Variants in RFX4 observed in about 807,000 individuals in gnomAD.
The protein encoded by RFX4 is regulatory factor X4.
Under a neutral mutation model 95.0 loss-of-function variants are expected in RFX4, and 10 were observed. That is an observed-to-expected ratio of 0.11 (90% CI 0.06 to 0.18). The LOEUF (loss-of-function observed/expected upper bound fraction) is 0.18. Ranked by LOEUF, RFX4 falls within the 10% of genes least tolerant of loss-of-function variation. The pLI, the probability that RFX4 is intolerant of heterozygous loss-of-function variation, is 1.00. For synonymous variants in RFX4, 321 were observed against 340.7 expected, an observed-to-expected ratio of 0.94 and a Z score of 0.64; for missense variants, 640 against 922.0, an observed-to-expected ratio of 0.69 and a Z score of 3.96.
intron 17 of RFX4, among the ~76,000 whole-genome samples, chr12:106,755,696 G>A (rs1475161305): frequency 6.6e-6 from 1 of 152,104 alleles, no homozygotes; most frequent in African/African-American, 2.4e-5. Context: ...TCCACTGCAG[G>A]GCTAATTAGT....
chr12:106,655,283 G>A (rs1176782135), intron 4 of RFX4, among the ~76,000 whole-genome samples: 1 of 152,230 alleles, frequency 6.6e-6, no homozygotes, highest in Non-Finnish European at 1.5e-5. Context: ...GATGCTCTGT[G>A]ATGACTTGGG....
chr12:106,694,190 G>A (rs918912569), intron 7 of RFX4, among the ~76,000 whole-genome samples: 3 of 152,178 alleles, frequency 2.0e-5, no homozygotes, highest in Admixed American at 6.5e-5. Flanking sequence ...TCACCACTAC[G>A]ATCATGTTTT....
At chr12:106,661,121 C>T (rs1328479090) in intron 4 of RFX4, among the ~76,000 whole-genome samples, 1 of 152,194 alleles carries the variant, frequency 6.6e-6, no homozygotes, top group Non-Finnish European at 1.5e-5. Flanking sequence ...GGATCTTTCA[C>T]CCTTACTCAC....
intron 8 of RFX4, among the ~76,000 whole-genome samples, chr12:106,697,118 A>G (rs1373883527): frequency 6.6e-6 from 1 of 152,078 alleles, no homozygotes; most frequent in East Asian, 1.9e-4. Flanking sequence ...TTCCCTTCCA[A>G]GCAACTTTCC....
At chr12:106,698,365 A>T (rs1056808369) in intron 8 of RFX4, among the ~76,000 whole-genome samples, 2 of 151,850 alleles carry the variant, frequency 1.3e-5, no homozygotes, top group Non-Finnish European at 2.9e-5. Context: ...TGCAGCCTCA[A>T]ACTCCTGGGT....
intron 7 of RFX4, chr12:106,693,047 C>G (rs1233738807): frequency 2.6e-6 from 1 of 391,586 alleles, no homozygotes; most frequent in Non-Finnish European, 5.1e-6. Context: ...TTGATTCTCT[C>G]CTTTCCCTCA....
chr12:106,595,491 C>T (rs2039605733), intron 1 of RFX4, among the ~76,000 whole-genome samples: 1 of 152,170 alleles, frequency 6.6e-6, no homozygotes, highest in Non-Finnish European at 1.5e-5. Context: ...GCTGAGGATG[C>T]CCACGGGCAC....
chr12:106,761,510 A>G lies in RFX4; in HGVS notation c.*41A>G. 7.8e-7 allele frequency: 1 copy of G among 1,276,014 alleles called. No individual in the cohort carries two copies. Among genetic ancestry groups the G allele is most frequent in the Non-Finnish European group, 1.0e-6 (1 of 995,830 alleles). 79.0% of individuals were successfully genotyped at this position (1,276,014 alleles called of 1,614,324 possible). A position where few individuals can be genotyped will look rare whatever the true frequency, so the allele number is the denominator to read the frequency against. On this transcript the variant is annotated 3_prime_UTR_variant, in exon 18 of 18. Coordinates refer to ENST00000392842, the MANE Select transcript of RFX4 (RefSeq NM_213594.3). ...TCCATATTTAATATTAATAATAATAATTAATAATAATAATAAACCCAACAC... is the reference window on the plus strand; with the variant it reads ...TCCATATTTAATATTAATAATAATAGTTAATAATAATAATAAACCCAACAC...
intron 13 of RFX4, among the ~76,000 whole-genome samples, chr12:106,729,763 T>G (rs967378093): frequency 4.6e-5 from 7 of 152,014 alleles, no homozygotes; most frequent in Admixed American, 6.6e-5. Flanking sequence ...TTAGGGAGGG[T>G]AAAGGAACTC....
intron 4 of RFX4, among the ~76,000 whole-genome samples, chr12:106,679,464 C>CAA (rs35165186): frequency 6.8e-5 from 10 of 146,156 alleles, no homozygotes; most frequent in African/African-American, 2.0e-4. Flanking sequence ...CAGAAAAAAA[C>CAA]AAAAAAAAAA....
intron 1 of RFX4, among the ~76,000 whole-genome samples, chr12:106,592,643 C>T (rs1169023252): frequency 7.0e-6 from 1 of 143,334 alleles, no homozygotes; most frequent in Non-Finnish European, 1.5e-5. Flanking sequence ...AACCACCCAA[C>T]CCTCTTATGT....
intron 4 of RFX4, among the ~76,000 whole-genome samples, chr12:106,656,150 C>G (rs1168650837): frequency 2.6e-5 from 4 of 152,182 alleles, no homozygotes; most frequent in Non-Finnish European, 5.9e-5. Context: ...AAGCCTGCCC[C>G]AAGACTTCAG....
intron 3 of RFX4, among the ~76,000 whole-genome samples, chr12:106,640,304 G>T (rs781202656): frequency 2.0e-5 from 3 of 152,190 alleles, no homozygotes; most frequent in Non-Finnish European, 4.4e-5. Context: ...GCTCATGCTT[G>T]CGAAGAAAGG....
intron 17 of RFX4, among the ~76,000 whole-genome samples, chr12:106,756,052 T>G (rs2043102518): frequency 6.6e-6 from 1 of 152,246 alleles, no homozygotes; most frequent in Admixed American, 6.5e-5. Flanking sequence ...ATATATACTT[T>G]CTTCCTGGGT....
intron 5 of RFX4, chr12:106,683,857 TTTTG>T (rs2137406948): frequency 1.3e-5 from 2 of 152,270 alleles, no homozygotes; most frequent in African/African-American, 4.8e-5. Flanking sequence ...TCTGTTTTTG[TTTTG>T]TTTGTTTTTC....
chr12:106,713,510 G>C (rs140753113), intron 10 of RFX4, among the ~76,000 whole-genome samples: 251 of 152,320 alleles, frequency 1.6e-3, no homozygotes, highest in Middle Eastern at 3.4e-3. Flanking sequence ...TGACATTTAA[G>C]CTGGAGCGTA....
At chr12:106,693,101 T>C (rs1329132400) in intron 7 of RFX4, 1 of 442,710 alleles carries the variant, frequency 2.3e-6, no homozygotes, top group Admixed American at 2.4e-5. Flanking sequence ...AGCTCCACCT[T>C]CTGCAGGGAA....
rs563415881 is a variant in RFX4 at position 106,761,383 on chromosome 12, C to T, written c.2122C>T (p.Arg708Cys). 3 of 1,614,064 alleles carry T rather than the reference C, an allele frequency of 1.9e-6. No homozygotes were observed. The highest frequency in any genetic ancestry group is 1.7e-5 in the Admixed American group (1 of 60,002). ...TGACATGTATACACCTCTGACAACG[C>T]GCAGGAATTCTGAATATGAGCACAT... ...SSDMYTPLTT[R>C]RNSEYEHMQH... Residue 708 changes from arginine (R) to cysteine (C), a missense_variant, in exon 18 of 18, where the codon CGC (arginine) becomes TGC (cysteine). By Grantham distance (180) the Arg-to-Cys change is radical. Around this residue, in one of 7 missense-constraint regions of RFX4, gnomAD observed 300 missense variants for 346.8 expected, o/e 0.87. Transcript: ENST00000392842.
intron 1 of RFX4, among the ~76,000 whole-genome samples, chr12:106,583,945 A>G (rs913784750): frequency 1.3e-5 from 2 of 152,170 alleles, no homozygotes; most frequent in African/African-American, 4.8e-5. Context: ...GGGAGGTGGG[A>G]GTCCTGGGCT....
Sources: allele counts gnomAD v4.1 joint callset (sites outside exome capture counted in the v4.1 genomes callset), GRCh38; gene constraint gnomAD v4.1.1; regional missense constraint gnomAD v4.1.1; transcripts MANE v1.5; gene names NCBI Gene and HGNC (gene_info 2026-07-23, HGNC 2026-07-21).